FRAS1: variants seen among roughly 807,000 people sequenced by gnomAD.
The protein encoded by FRAS1 is extracellular matrix organizing protein FRAS1.
A neutral mutation model predicts 435.2 loss-of-function variants in FRAS1; 290 were observed. The ratio of observed to expected loss-of-function variants is 0.67; its 90% CI spans 0.61 to 0.73. The LOEUF (loss-of-function observed/expected upper bound fraction) is 0.73. Among genes scored for constraint, FRAS1 ranks in the 30% least tolerant of loss-of-function variants. FRAS1 has a pLI of 0.00. For synonymous variants in FRAS1, 1,800 were observed against 1,851.0 expected (o/e 0.97, Z 0.71); for missense variants, 4,860 against 5,001.5 (o/e 0.97, Z 0.85).
intron 35 of FRAS1, 105 bp downstream of exon 35, chr4:78,424,525 T>C (rs1283580943): frequency 1.4e-5 from 7 of 498,618 alleles, no homozygotes; most frequent in Non-Finnish European, 2.4e-5. Flanking sequence ...TTCTAAGAAC[T>C]ACTTAAAAAT....
chr4:78,224,721 A>G (rs1724197879), intron 2 of FRAS1, among the ~76,000 whole-genome samples: 1 of 152,024 alleles, frequency 6.6e-6, no homozygotes, highest in South Asian at 2.1e-4. Flanking sequence ...TTGTTGAGAT[A>G]GGGTCTCACT....
chr4:78,129,548 G>A (rs975793723), intron 2 of FRAS1, among the ~76,000 whole-genome samples: 2 of 137,834 alleles, frequency 1.5e-5, no homozygotes, highest in African/African-American at 6.8e-5. Flanking sequence ...GAACAGGGTA[G>A]TGGCCATGGC....
chr4:78,082,674 A>G (rs1447090522), intron 2 of FRAS1, among the ~76,000 whole-genome samples: 1 of 152,084 alleles, frequency 6.6e-6, no homozygotes, highest in Non-Finnish European at 1.5e-5. Flanking sequence ...TGTGGAATTC[A>G]TTCACATAAT....
rs1167883563 is a variant in FRAS1 at position 78,432,620 on chromosome 4, T to C, written c.5217+16T>C. The C allele has an allele frequency of 6.5e-7, 1 of 1,549,594 alleles. No homozygotes were observed. The highest frequency in any genetic ancestry group is 8.7e-7 in the Non-Finnish European group (1 of 1,146,008). On this transcript the variant is annotated intron_variant, in intron 38 of 73. Coordinates refer to ENST00000512123, the MANE Select transcript of FRAS1 (RefSeq NM_025074.7). Reference sequence around the variant, plus strand: ...TGCTTACGTGGTAAGTTCTTCCATTTGCTGTGTTTGTTCTCCACCGCCGCA... The same window carrying C: ...TGCTTACGTGGTAAGTTCTTCCATTCGCTGTGTTTGTTCTCCACCGCCGCA...
chr4:78,068,479 A>G, intron 2 of FRAS1: 1 of 455,658 alleles, frequency 2.2e-6, no homozygotes, highest in South Asian at 1.6e-5. Flanking sequence ...GGAGGATGGC[A>G]AGAGATAGGT....
intron 47 of FRAS1, among the ~76,000 whole-genome samples, chr4:78,459,669 T>C (rs1267062653): frequency 6.6e-6 from 1 of 152,206 alleles, no homozygotes; most frequent in Non-Finnish European, 1.5e-5. Flanking sequence ...ATTAAAAAGT[T>C]ACACAGAATA....
At chr4:78,472,557 T>G (rs919078288) in intron 52 of FRAS1, among the ~76,000 whole-genome samples, 2 of 152,206 alleles carry the variant, frequency 1.3e-5, no homozygotes, top group Non-Finnish European at 2.9e-5. Flanking sequence ...CCGTGCTTCC[T>G]CAACTCCTAA....
chr4:78,178,288 A>G (rs1721860376), intron 2 of FRAS1, among the ~76,000 whole-genome samples: 3 of 152,168 alleles, frequency 2.0e-5, no homozygotes, highest in Non-Finnish European at 4.4e-5. Context: ...AGGCACCTTA[A>G]AAGGGATTTC....
intron 2 of FRAS1, among the ~76,000 whole-genome samples, chr4:78,103,497 G>A (rs777225843): frequency 2.6e-5 from 4 of 152,124 alleles, no homozygotes; most frequent in Non-Finnish European, 4.4e-5. Flanking sequence ...GCAGGGATGT[G>A]CATTTATGAA....
chr4:78,310,429 G>A (rs550647550), intron 15 of FRAS1, among the ~76,000 whole-genome samples: 1 of 152,346 alleles, frequency 6.6e-6, no homozygotes. Flanking sequence ...TGCGAGACTG[G>A]AGGCTGTAAG....
At chr4:78,343,336 T>C (rs1422171055) in intron 20 of FRAS1, among the ~76,000 whole-genome samples, 1 of 152,148 alleles carries the variant, frequency 6.6e-6, no homozygotes, top group Admixed American at 6.6e-5. Flanking sequence ...ATATTTATAC[T>C]TTGAACAATT....
At chr4:78,114,553 A>G (rs1356829345) in intron 2 of FRAS1, among the ~76,000 whole-genome samples, 1 of 151,934 alleles carries the variant, frequency 6.6e-6, no homozygotes, top group African/African-American at 2.4e-5. Flanking sequence ...ATGTCCCTTT[A>G]AGTTGGATTC....
intron 58 of FRAS1, among the ~76,000 whole-genome samples, chr4:78,485,245 C>A (rs773160158): frequency 6.6e-6 from 1 of 152,196 alleles, no homozygotes; most frequent in Non-Finnish European, 1.5e-5. Context: ...ACCTGGCACA[C>A]AGTAAATTTT....
In FRAS1 at chr4:78,333,351, G is replaced by A; in HGVS notation, c.2217G>A (p.Leu739=). 3 of 1,612,324 alleles carry A rather than the reference G, an allele frequency of 1.9e-6. No homozygotes were observed. The highest frequency in any genetic ancestry group is 2.5e-6 in the Non-Finnish European group (3 of 1,179,244). The change falls in exon 19 of 74, where the codon TTG becomes TTA. Residue 739 remains leucine (L), a synonymous_variant. Transcript: ENST00000512123. Reference sequence around the variant, plus strand: ...ACTGTGGGCCTTCCCATGTGCTGTTGGATGGGCAGTGCCTCTCCCAGTGCC... The same window carrying A: ...ACTGTGGGCCTTCCCATGTGCTGTTAGATGGGCAGTGCCTCTCCCAGTGCC... The part of the protein sequence containing the change: ...CTDCGPSHVL[L]DGQCLSQCPD...
intron 32 of FRAS1, among the ~76,000 whole-genome samples, chr4:78,414,089 A>G (rs532122147): frequency 2.6e-5 from 4 of 152,362 alleles, no homozygotes; most frequent in African/African-American, 9.6e-5. Flanking sequence ...GTTATGACAG[A>G]GACATAAAGG....
At chr4:78,145,854 G>C (rs1257984729) in intron 2 of FRAS1, among the ~76,000 whole-genome samples, 3 of 152,096 alleles carry the variant, frequency 2.0e-5, no homozygotes, top group Non-Finnish European at 4.4e-5. Flanking sequence ...CTGTTCTTGT[G>C]ATAGTAAGTG....
intron 14 of FRAS1, among the ~76,000 whole-genome samples, chr4:78,304,273 T>G (rs1280514023): frequency 5.9e-5 from 9 of 152,284 alleles, no homozygotes; most frequent in East Asian, 5.8e-4. Flanking sequence ...TTTTATTGAG[T>G]ATTTTTGCAT....
intron 61 of FRAS1, among the ~76,000 whole-genome samples, chr4:78,500,225 G>A (rs945309655): frequency 5.3e-5 from 8 of 152,088 alleles, no homozygotes; most frequent in Non-Finnish European, 8.8e-5. Context: ...AAATACACAC[G>A]TAACTGGCAC....
chr4:78,169,111 C>G (rs1721451593), intron 2 of FRAS1, among the ~76,000 whole-genome samples: 1 of 152,042 alleles, frequency 6.6e-6, no homozygotes, highest in Middle Eastern at 3.2e-3. Flanking sequence ...AGGCTGCCCT[C>G]TTGTTCCTTG....
Sources: allele counts gnomAD v4.1 joint callset (sites outside exome capture counted in the v4.1 genomes callset), GRCh38; gene constraint gnomAD v4.1.1; transcripts MANE v1.5; gene names NCBI Gene and HGNC (gene_info 2026-07-23, HGNC 2026-07-21).